Variants in MOXD1 observed in about 807,000 individuals in gnomAD.
MOXD1 encodes the protein monooxygenase DBH like 1.
MOXD1 carries 62 observed loss-of-function variants against 66.6 expected under a neutral mutation model. That is an observed-to-expected ratio of 0.93 (90% CI 0.76 to 1.15). The LOEUF is 1.15. Ranked by LOEUF, MOXD1 falls within the 50% of genes most tolerant of loss-of-function variation. MOXD1 has a pLI of 0.00. For missense variants in MOXD1, 847 were observed against 754.6 expected, an observed-to-expected ratio of 1.12 and a Z score of -1.44; for synonymous variants, 303 against 281.9, an observed-to-expected ratio of 1.07 and a Z score of -0.75.
At chr6:132,378,436 C>T (rs908018127) in intron 1 of MOXD1, among the ~76,000 whole-genome samples, 7 of 151,956 alleles carry the variant, frequency 4.6e-5, no homozygotes, top group Non-Finnish European at 8.8e-5. Flanking sequence ...CATGAGAGCT[C>T]CCATTTTCAT....
intron 4 of MOXD1, among the ~76,000 whole-genome samples, chr6:132,350,984 C>T (rs1169692303): frequency 6.6e-6 from 1 of 152,038 alleles, no homozygotes; most frequent in East Asian, 1.9e-4. Context: ...GATTTCTATA[C>T]CTTAATATTG....
rs970097016 is a variant in MOXD1 at position 132,349,376 on chromosome 6, T to TAC, written c.664-20784_664-20783dup. ...AGATATATTCCATCATATATATATATACATGTATATATATATACACATATA... is the reference window on the plus strand; with the variant it reads ...AGATATATTCCATCATATATATATATACACATGTATATATATATACACATATA... On this transcript the variant is annotated intron_variant, in intron 4 of 11. Coordinates refer to ENST00000367963, the MANE Select transcript of MOXD1 (RefSeq NM_015529.4). 4.2e-4 allele frequency among the ~76,000 whole-genome samples: 57 copies of TAC among 135,022 alleles called. 9 individuals are homozygous for TAC. In the East Asian group the frequency reaches 8.3e-3, roughly 20 times the overall value. The allele number at this position is 135,022 out of a possible 152,430, so 88.6% of individuals were successfully genotyped here. A position where few individuals can be genotyped will look rare whatever the true frequency, so the allele number is the denominator to read the frequency against.
intron 10 of MOXD1, among the ~76,000 whole-genome samples, chr6:132,303,094 G>C (rs78578775): frequency 6.6e-6 from 1 of 151,808 alleles, no homozygotes; most frequent in Admixed American, 6.6e-5. Context: ...TTTTCAGGGG[G>C]AAAACAAGAG....
chr6:132,349,964 G>A (rs1391413378), intron 4 of MOXD1, among the ~76,000 whole-genome samples: 1 of 152,068 alleles, frequency 6.6e-6, no homozygotes, highest in Non-Finnish European at 1.5e-5. Flanking sequence ...ACTTTTTGAT[G>A]GGATTGTTTG....
intron 6 of MOXD1, among the ~76,000 whole-genome samples, chr6:132,327,160 T>A (rs942909346): frequency 2.6e-5 from 4 of 152,138 alleles, no homozygotes; most frequent in African/African-American, 9.7e-5. Context: ...TTTTAGCCCA[T>A]CCCCACCAAT....
At chr6:132,330,196 T>A (rs1582575230) in intron 4 of MOXD1, among the ~76,000 whole-genome samples, 1 of 152,260 alleles carries the variant, frequency 6.6e-6, no homozygotes, top group African/African-American at 2.4e-5. Flanking sequence ...CCGTGGCCTG[T>A]TAGGAACTAG....
chr6:132,332,950 C>T (rs1331473540), intron 4 of MOXD1, among the ~76,000 whole-genome samples: 1 of 152,018 alleles, frequency 6.6e-6, no homozygotes, highest in Non-Finnish European at 1.5e-5. Flanking sequence ...TTCTGATGTG[C>T]TGGGTAACTG....
intron 1 of MOXD1, among the ~76,000 whole-genome samples, chr6:132,394,960 T>C (rs72994868): frequency 6.6e-6 from 1 of 151,968 alleles, no homozygotes. Context: ...AGGCTCAAAG[T>C]TCTCCATATA....
At chr6:132,343,863 G>A (rs1434033439) in intron 4 of MOXD1, among the ~76,000 whole-genome samples, 4 of 151,896 alleles carry the variant, frequency 2.6e-5, no homozygotes, top group Non-Finnish European at 4.4e-5. Context: ...ATACTGAAGG[G>A]GAACATTTTT....
chr6:132,302,267 C>T (rs766615116), intron 10 of MOXD1, among the ~76,000 whole-genome samples: 10 of 152,040 alleles, frequency 6.6e-5, no homozygotes, highest in South Asian at 2.1e-4. Context: ...TCTAGACTCA[C>T]GCTAACAAGG....
At chr6:132,304,410 G>A (rs1774640241) in intron 10 of MOXD1, among the ~76,000 whole-genome samples, 1 of 152,048 alleles carries the variant, frequency 6.6e-6, no homozygotes, top group Admixed American at 6.6e-5. Context: ...AGCCAACTAA[G>A]AGACTCCCCT....
intron 10 of MOXD1, among the ~76,000 whole-genome samples, chr6:132,314,302 G>T (rs1477446412): frequency 2.0e-5 from 3 of 152,178 alleles, no homozygotes; most frequent in Admixed American, 2.0e-4. Flanking sequence ...CATCAACTTG[G>T]TGTCACCACC....
chr6:132,319,837 G>A (rs777861700), intron 9 of MOXD1, among the ~76,000 whole-genome samples: 2 of 151,782 alleles, frequency 1.3e-5, no homozygotes, highest in Non-Finnish European at 2.9e-5. Context: ...CTTGCTAAAT[G>A]TCTCCCCTGT....
At chr6:132,299,889 C>CCT (rs3038133) in intron 10 of MOXD1, among the ~76,000 whole-genome samples, 14,750 of 146,380 alleles carry the variant, frequency 0.1, 981 homozygotes, top group South Asian at 0.35. Flanking sequence ...TTTCTCTCTC[C>CCT]CTCTCTCTCT....
chr6:132,339,182 T>A (rs1775500018), intron 4 of MOXD1, among the ~76,000 whole-genome samples: 1 of 152,216 alleles, frequency 6.6e-6, no homozygotes, highest in African/African-American at 2.4e-5. Flanking sequence ...TTAGCTATAT[T>A]TTCTCTACAG....
chr6:132,382,395 T>C (rs1776529948), intron 1 of MOXD1, among the ~76,000 whole-genome samples: 1 of 152,148 alleles, frequency 6.6e-6, no homozygotes, highest in South Asian at 2.1e-4. Context: ...GGTAATGTTA[T>C]TCTATATAAA....
intron 1 of MOXD1, among the ~76,000 whole-genome samples, chr6:132,399,196 T>C (rs1776965663): frequency 1.3e-5 from 2 of 152,186 alleles, no homozygotes; most frequent in Non-Finnish European, 2.9e-5. Flanking sequence ...TTGAATAGCA[T>C]AATTTTAATG....
intron 10 of MOXD1, among the ~76,000 whole-genome samples, chr6:132,310,866 G>A (rs1774813375): frequency 1.3e-5 from 2 of 152,196 alleles, no homozygotes; most frequent in East Asian, 1.9e-4. Flanking sequence ...GGTGAAGGGA[G>A]GGAATATAGA....
At chr6:132,375,967 C>T (rs768240191) in intron 1 of MOXD1, among the ~76,000 whole-genome samples, 1 of 152,140 alleles carries the variant, frequency 6.6e-6, no homozygotes, top group Non-Finnish European at 1.5e-5. Flanking sequence ...ATGGTTAGCG[C>T]CCATTCGATA....
Sources: allele counts gnomAD v4.1 joint callset (sites outside exome capture counted in the v4.1 genomes callset), GRCh38; gene constraint gnomAD v4.1.1; transcripts MANE v1.5; gene names NCBI Gene and HGNC (gene_info 2026-07-23, HGNC 2026-07-21).